Variants in ABCA13 observed in about 807,000 individuals in gnomAD.
ABCA13 encodes ATP binding cassette subfamily A member 13.
A neutral mutation model predicts 478.7 loss-of-function variants in ABCA13; 476 were observed. The observed-to-expected ratio is 0.99, with a 90% CI of 0.92 to 1.07. The LOEUF is 1.07. Ranked by LOEUF, ABCA13 falls within the 50% of genes least tolerant of loss-of-function variation. ABCA13 has a pLI of 0.00. For synonymous variants in ABCA13, 2,252 were observed against 2,158.9 expected, an observed-to-expected ratio of 1.04 and a Z score of -1.20; for missense variants, 6,060 against 5,910.6, an observed-to-expected ratio of 1.03 and a Z score of -0.83.
intron 45 of ABCA13, among the ~76,000 whole-genome samples, chr7:48,473,592 A>G (rs1827759018): frequency 6.6e-6 from 1 of 152,170 alleles, no homozygotes; most frequent in Admixed American, 6.5e-5. Flanking sequence ...GTGGGTGGTT[A>G]CAAAAGTCGT....
At chr7:48,509,985 G>A (rs575470902) in intron 50 of ABCA13, among the ~76,000 whole-genome samples, 15 of 152,294 alleles carry the variant, frequency 9.8e-5, no homozygotes, top group Admixed American at 2.0e-4. Context: ...GGTCTTTCCA[G>A]CCTCCAGAAC....
intron 31 of ABCA13, among the ~76,000 whole-genome samples, chr7:48,367,346 A>G (rs1014216543): frequency 6.6e-6 from 1 of 152,210 alleles, no homozygotes; most frequent in Non-Finnish European, 1.5e-5. Context: ...AGTGGGTTGA[A>G]ATATGAGTGT....
At chr7:48,355,237 G>A (rs1392383349) in intron 31 of ABCA13, among the ~76,000 whole-genome samples, 2 of 151,960 alleles carry the variant, frequency 1.3e-5, no homozygotes, top group African/African-American at 4.8e-5. Flanking sequence ...TAATGTGGAT[G>A]GGGTAGACCC....
At chr7:48,394,952 G>A (rs571974200) in intron 38 of ABCA13, among the ~76,000 whole-genome samples, 1 of 152,238 alleles carries the variant, frequency 6.6e-6, no homozygotes, top group East Asian at 1.9e-4. Context: ...TATGGTGAAG[G>A]GTCATAGCAG....
At chr7:48,516,267 G>T (rs1832100307) in intron 51 of ABCA13, among the ~76,000 whole-genome samples, 1 of 152,162 alleles carries the variant, frequency 6.6e-6, no homozygotes, top group South Asian at 2.1e-4. Context: ...CAATTCATCA[G>T]TTTTAAAGGG....
intron 1 of ABCA13, among the ~76,000 whole-genome samples, chr7:48,187,797 C>T (rs868317376): frequency 2.4e-4 from 36 of 151,326 alleles, no homozygotes; most frequent in Middle Eastern, 3.4e-3. Flanking sequence ...GAATATTTGT[C>T]CTTATTAAAG....
At chr7:48,531,921 G>A (rs931667656) in intron 55 of ABCA13, among the ~76,000 whole-genome samples, 13 of 151,724 alleles carry the variant, frequency 8.6e-5, no homozygotes, top group Admixed American at 5.9e-4. Context: ...GGTTTTCTAC[G>A]TATACAATCA....
chr7:48,441,297 A>T (rs1213133059), intron 42 of ABCA13, among the ~76,000 whole-genome samples: 1 of 152,148 alleles, frequency 6.6e-6, no homozygotes, highest in East Asian at 1.9e-4. Context: ...CACTAGAGAA[A>T]TTCAATTTCT....
intron 61 of ABCA13, 21 bp from the exon 62 acceptor site, chr7:48,645,396 C>T: frequency 6.5e-7 from 1 of 1,536,980 alleles, no homozygotes; most frequent in Non-Finnish European, 8.8e-7. Flanking sequence ...AAGTAAACAA[C>T]ATTTTTATGG....
At chr7:48,393,431 TG>T (rs2129057969) in intron 38 of ABCA13, among the ~76,000 whole-genome samples, 1 of 152,328 alleles carries the variant, frequency 6.6e-6, no homozygotes, top group South Asian at 2.1e-4. Flanking sequence ...AAGGGGCCCT[TG>T]GAGGCAAGCA....
At chr7:48,504,826 T>C (rs976071407) in intron 48 of ABCA13, among the ~76,000 whole-genome samples, 1 of 152,204 alleles carries the variant, frequency 6.6e-6, no homozygotes, top group African/African-American at 2.4e-5. Context: ...GACATTGGGC[T>C]GCACATCAAG....
intron 55 of ABCA13, among the ~76,000 whole-genome samples, chr7:48,579,486 G>A (rs1316928528): frequency 6.6e-6 from 1 of 152,232 alleles, no homozygotes; most frequent in African/African-American, 2.4e-5. Flanking sequence ...GTTGACAACA[G>A]TGTAGAGCAA....
intron 35 of ABCA13, among the ~76,000 whole-genome samples, chr7:48,386,111 G>C (rs1815145265): frequency 6.6e-6 from 1 of 152,106 alleles, no homozygotes; most frequent in African/African-American, 2.4e-5. Context: ...GTCAAGCCCA[G>C]AGTTAAATCA....
chr7:48,630,989 AT>A (rs1024350918), intron 59 of ABCA13, among the ~76,000 whole-genome samples: 1 of 150,020 alleles, frequency 6.7e-6, no homozygotes, highest in African/African-American at 2.5e-5. Context: ...TCTTTTGCCC[AT>A]TTTTTTAATG....
At chr7:48,253,018 T>C (rs1792808553) in intron 15 of ABCA13, among the ~76,000 whole-genome samples, 1 of 152,212 alleles carries the variant, frequency 6.6e-6, no homozygotes, top group Non-Finnish European at 1.5e-5. Context: ...TTTCTGAAGA[T>C]GTGTATTCCC....
intron 45 of ABCA13, among the ~76,000 whole-genome samples, chr7:48,477,904 AG>A (rs1055063407): frequency 1.3e-5 from 2 of 152,166 alleles, no homozygotes; most frequent in Non-Finnish European, 2.9e-5. Context: ...AATAAAAAAA[AG>A]AATGAGACCA....
At position 48,297,737 on chromosome 7, in the gene ABCA13, T is replaced by C. The variant is rs377502342; in HGVS notation, c.9199+426T>C. On this transcript the variant is annotated intron_variant, in intron 22 of 61. Transcript: ENST00000435803. ...TGCATGTATACAAGTGAGTTTCTTA[T>C]AGCACTTGGTCACTGCTCCCTAAGA... 9.1e-4 allele frequency among the ~76,000 whole-genome samples: 139 copies of C among 152,268 alleles called. 2 individuals are homozygous for C. Among genetic ancestry groups the C allele is most frequent in the African/African-American group, 3.0e-3 (125 of 41,548 alleles).
At chr7:48,387,386 C>T (rs2129050885) in intron 35 of ABCA13, among the ~76,000 whole-genome samples, 1 of 152,168 alleles carries the variant, frequency 6.6e-6, no homozygotes, top group Admixed American at 6.5e-5. Context: ...ATGGAAATTT[C>T]AATTGATTAA....
intron 42 of ABCA13, among the ~76,000 whole-genome samples, chr7:48,449,143 C>T (rs944878883): frequency 3.3e-5 from 5 of 152,150 alleles, no homozygotes; most frequent in Non-Finnish European, 5.9e-5. Context: ...GTGTCCGGCT[C>T]CTAGCTGTCT....
Sources: allele counts gnomAD v4.1 joint callset (sites outside exome capture counted in the v4.1 genomes callset), GRCh38; gene constraint gnomAD v4.1.1; transcripts MANE v1.5; gene names NCBI Gene and HGNC (gene_info 2026-07-23, HGNC 2026-07-21).